The following ATAD3A variants were observed in gnomAD, a reference collection of about 807,000 sequenced individuals.
The protein encoded by ATAD3A is ATPase family AAA domain-containing protein 3A.
ATAD3A carries 46 observed loss-of-function variants against 73.8 expected under a neutral mutation model. The observed-to-expected ratio is 0.62, with a 90% CI of 0.49 to 0.80. The LOEUF is 0.80. Ranked by LOEUF, ATAD3A falls within the 30% of genes least tolerant of loss-of-function variation. The pLI, the probability that ATAD3A is intolerant of heterozygous loss-of-function variation, is 0.00. For synonymous variants in ATAD3A, 319 were observed against 350.0 expected, an observed-to-expected ratio of 0.91 and a Z score of 0.99; for missense variants, 705 against 838.0, an observed-to-expected ratio of 0.84 and a Z score of 1.96.
chr1:1,532,106 G>A (rs950199931), intron 15 of ATAD3A, among the ~76,000 whole-genome samples: 9 of 152,226 alleles, frequency 5.9e-5, no homozygotes, highest in East Asian at 1.9e-4. Context: ...ATTGATTTTT[G>A]TACGTTGAAC....
At chr1:1,518,158 C>G (rs1191484142) in intron 4 of ATAD3A, among the ~76,000 whole-genome samples, 1 of 150,528 alleles carries the variant, frequency 6.6e-6, no homozygotes, top group Non-Finnish European at 1.5e-5. Context: ...TACCCCCACA[C>G]AACACGGGCA....
chr1:1,516,327 G>T (rs1451485833), intron 2 of ATAD3A, among the ~76,000 whole-genome samples: 1 of 151,996 alleles, frequency 6.6e-6, no homozygotes, highest in Non-Finnish European at 1.5e-5. Context: ...CGTCCGGAGG[G>T]AGGGCCGGTG....
At chr1:1,518,288 C>T (rs1178324766) in intron 4 of ATAD3A, among the ~76,000 whole-genome samples, 1 of 133,784 alleles carries the variant, frequency 7.5e-6, no homozygotes, top group Admixed American at 7.6e-5. Context: ...AGGTACGTAC[C>T]CCCCCACACA....
At chr1:1,531,099 G>A (rs987031070) in intron 15 of ATAD3A, among the ~76,000 whole-genome samples, 26 of 151,818 alleles carry the variant, frequency 1.7e-4, no homozygotes, top group Admixed American at 5.9e-4. Flanking sequence ...CGGAGGATGC[G>A]GTGAGCTGAG....
At chr1:1,526,127 A>AT (rs1285735964) in intron 12 of ATAD3A, among the ~76,000 whole-genome samples, 6 of 150,670 alleles carry the variant, frequency 4.0e-5, no homozygotes, top group Non-Finnish European at 8.9e-5. Context: ...GGTTTCAGTG[A>AT]TTCTCGTGCC....
Position 1,523,171 on chromosome 1 carries a change from G to C in ATAD3A, c.906+272G>C, listed in dbSNP as rs761590688. ...GGGGTCCTTGCAAGACCCGGGACTTGGGTGTGCGGCCGTCTATCAGGGAAG... is the reference window on the plus strand; with the variant it reads ...GGGGTCCTTGCAAGACCCGGGACTTCGGTGTGCGGCCGTCTATCAGGGAAG... On this transcript the variant is annotated intron_variant, in intron 8 of 15. Transcript: ENST00000378756. This position sits in a 1 kb window ranked among gnomAD's most constrained non-coding sequence, Gnocchi z 5.1. Among the ~76,000 whole-genome samples the C allele has an allele frequency of 6.6e-6, 1 of 152,006 alleles. No individual in the cohort carries two copies. Among genetic ancestry groups the C allele is most frequent in the Non-Finnish European group, 1.5e-5 (1 of 68,002 alleles).
At chr1:1,528,642 C>T (rs1641930697) in intron 14 of ATAD3A, among the ~76,000 whole-genome samples, 2 of 152,348 alleles carry the variant, frequency 1.3e-5, no homozygotes, top group African/African-American at 4.8e-5. Context: ...CCGGCTGCCT[C>T]GGGAACACTC....
At chr1:1,521,217 T>A (rs1641583509) in intron 7 of ATAD3A, among the ~76,000 whole-genome samples, 1 of 139,704 alleles carries the variant, frequency 7.2e-6, no homozygotes, top group African/African-American at 2.7e-5. Flanking sequence ...GAGAATCACC[T>A]GAACCCGGGA....
chr1:1,512,426 C>T lies in ATAD3A; in HGVS notation c.158C>T (p.Thr53Ile), dbSNP rs1057517687. 4 of 1,229,422 alleles carry T rather than the reference C, an allele frequency of 3.3e-6. No individual in the cohort carries two copies. Among genetic ancestry groups the T allele is most frequent in the Non-Finnish European group, 4.1e-6 (4 of 981,136 alleles). 76.2% of individuals were successfully genotyped at this position (1,229,422 alleles called of 1,614,324 possible). ...GACAAATGGAGCAACTTCGACCCCA[C>T]CGGCCTGGAGCGCGCCGCCAAGGCG... is the stretch of plus-strand genomic sequence containing the variant. ...PKDKWSNFDPTGLERAAKAAR... is the reference protein window; with the variant it reads ...PKDKWSNFDPIGLERAAKAAR... Residue 53 changes from threonine (T) to isoleucine (I), a missense_variant, in exon 1 of 16, where the codon ACC becomes ATC. Physicochemically the swap from Thr to Ile is moderately conservative, Grantham distance 89. Coordinates refer to ENST00000378756, the MANE Select transcript of ATAD3A (RefSeq NM_001170535.3).
intron 2 of ATAD3A, chr1:1,516,988 A>G: frequency 1.6e-6 from 2 of 1,222,908 alleles, no homozygotes; most frequent in East Asian, 2.6e-5. Flanking sequence ...CTGGGATTAT[A>G]AGCGAGAGCC....
rs1641674589 is a variant in ATAD3A at position 1,523,385 on chromosome 1, G to C, written c.907-126G>C. The stretch of plus-strand genomic sequence containing the variant: ...GGGCGGGGCAGGGTTCCAGCTCCGG[G>C]CCGGTCCTGGCTGTGCTTTGGGGCA... On this transcript the variant is annotated intron_variant, in intron 8 of 15. Coordinates refer to ENST00000378756, the MANE Select transcript of ATAD3A (RefSeq NM_001170535.3). The surrounding 1 kb of genome is among the most constrained non-coding windows in gnomAD (Gnocchi z 5.1). 17 of 1,463,570 alleles carry C rather than the reference G, an allele frequency of 1.2e-5. No homozygotes were observed. In the South Asian group the frequency reaches 2.0e-4, roughly 18 times the overall value. 90.7% of individuals were successfully genotyped at this position (1,463,570 alleles called of 1,614,324 possible).
At chr1:1,525,927 CA>C (rs1557473229) in intron 12 of ATAD3A, among the ~76,000 whole-genome samples, 1 of 152,116 alleles carries the variant, frequency 6.6e-6, no homozygotes, top group East Asian at 1.9e-4. Flanking sequence ...AGACTGGGCT[CA>C]AACTTCTGAG....
At chr1:1,527,157 C>T (rs1301200320) in intron 13 of ATAD3A, 2 of 1,302,200 alleles carry the variant, frequency 1.5e-6, no homozygotes, top group Non-Finnish European at 2.0e-6. Flanking sequence ...CTGGGCCCCT[C>T]CAGCCCCAGT....
intron 1 of ATAD3A, among the ~76,000 whole-genome samples, chr1:1,515,433 G>T (rs899751719): frequency 2.0e-5 from 3 of 152,146 alleles, no homozygotes; most frequent in Non-Finnish European, 4.4e-5. Context: ...AGAAAATTTT[G>T]AGACCTGATG....
rs1641222621 is a variant in ATAD3A at position 1,512,370 on chromosome 1, C to T, written c.102C>T (p.Asp34=). The change falls in exon 1 of 16, where the codon GAC becomes GAT. Residue 34 remains aspartate, a synonymous_variant. Coordinates refer to ENST00000378756, the MANE Select transcript of ATAD3A (RefSeq NM_001170535.3). ...AGCCCGGGGCCGAGGGCGGCGGGGA[C>T]CGCGGGTTGGGAGACCGGCCGGCGC... ...PAQPGAEGGG[D]RGLGDRPAPK... The T allele has an allele frequency of 1.6e-6, 2 of 1,242,954 alleles. No individual in the cohort carries two copies. Among genetic ancestry groups the T allele is most frequent in the East Asian group, 3.3e-5 (1 of 30,704 alleles). 77.0% of individuals were successfully genotyped at this position (1,242,954 alleles called of 1,614,324 possible).
chr1:1,527,418 G>C (rs1427431742), intron 13 of ATAD3A, among the ~76,000 whole-genome samples: 1 of 152,234 alleles, frequency 6.6e-6, no homozygotes, highest in Admixed American at 6.5e-5. Context: ...AGCACAGCAG[G>C]GGTCAGGCAG....
At chr1:1,515,449 G>A (rs759706951) in intron 1 of ATAD3A, among the ~76,000 whole-genome samples, 1 of 152,140 alleles carries the variant, frequency 6.6e-6, no homozygotes, top group African/African-American at 2.4e-5. Flanking sequence ...TGATGCTGAG[G>A]CCTCAGCAGC....
At chr1:1,521,115 G>A (rs1380744394) in intron 7 of ATAD3A, among the ~76,000 whole-genome samples, 2 of 151,718 alleles carry the variant, frequency 1.3e-5, no homozygotes, top group Admixed American at 6.6e-5. Flanking sequence ...GGCTAACACG[G>A]TGAAACCCCG....
At chr1:1,515,085 G>A (rs1394417983) in intron 1 of ATAD3A, among the ~76,000 whole-genome samples, 2 of 152,190 alleles carry the variant, frequency 1.3e-5, no homozygotes, top group South Asian at 2.1e-4. Flanking sequence ...ATGTTGGCCC[G>A]GATGGAGATT....
Sources: allele counts gnomAD v4.1 joint callset (sites outside exome capture counted in the v4.1 genomes callset), GRCh38; gene constraint gnomAD v4.1.1; non-coding constraint Gnocchi (gnomAD v3.1); transcripts MANE v1.5; gene names NCBI Gene and HGNC (gene_info 2026-07-23, HGNC 2026-07-21).